LPP: variants seen among roughly 807,000 people sequenced by gnomAD.
LPP encodes LIM domain containing preferred translocation partner in lipoma.
Under a neutral mutation model 60.4 loss-of-function variants are expected in LPP, and 38 were observed. The observed-to-expected ratio is 0.63, with a 90% CI of 0.49 to 0.83. The LOEUF is 0.83. Among genes scored for constraint, LPP ranks in the 40% least tolerant of loss-of-function variants. The probability of loss-of-function intolerance (pLI) is 0.00; values close to 1 mark genes in which losing one functional copy is unlikely to be tolerated. For synonymous variants in LPP, 328 were observed against 290.8 expected (o/e 1.13, Z -1.30); for missense variants, 902 against 783.6 (o/e 1.15, Z -1.80).
chr3:188,511,112 T>C (rs534556305), intron 5 of LPP, among the ~76,000 whole-genome samples: 1 of 90,890 alleles, frequency 1.1e-5, no homozygotes, highest in Non-Finnish European at 2.1e-5. Flanking sequence ...CCCTCCTTCC[T>C]CCTTCCTTCC....
chr3:188,259,791 C>T lies in LPP; in HGVS notation c.-67+34264C>T, dbSNP rs764275100. On this transcript the variant is annotated intron_variant, in intron 2 of 11. Transcript: ENST00000617246. ...CATTTGGAGAGGACTACTGTGATGG[C>T]GTAAAATCCGGTGACCTAGTTACAG... is the stretch of plus-strand genomic sequence containing the variant. 4.6e-5 allele frequency among the ~76,000 whole-genome samples: 7 copies of T among 152,230 alleles called. No homozygotes were observed. The East Asian group carries it at 9.6e-4, about 21-fold the overall frequency.
chr3:188,295,735 T>A (rs1399245755), intron 2 of LPP, among the ~76,000 whole-genome samples: 1 of 152,186 alleles, frequency 6.6e-6, no homozygotes, highest in African/African-American at 2.4e-5. Flanking sequence ...GGTCTTGCTA[T>A]GTCGCCCAGC....
chr3:188,329,352 T>G (rs1045592073), intron 2 of LPP, among the ~76,000 whole-genome samples: 7 of 152,230 alleles, frequency 4.6e-5, no homozygotes, highest in Non-Finnish European at 8.8e-5. Context: ...AACTTCTTTG[T>G]CAGAGATGGT....
rs1843519222 is a variant in LPP at position 188,610,691 on chromosome 3, A to G, written c.1113+847A>G. 6.6e-6 allele frequency among the ~76,000 whole-genome samples: 1 copy of G among 152,214 alleles called. No individual in the cohort carries two copies. Among genetic ancestry groups the G allele is most frequent in the Non-Finnish European group, 1.5e-5 (1 of 68,034 alleles). On this transcript the variant is annotated intron_variant, in intron 7 of 11. Transcript: ENST00000617246. This position sits in a 1 kb window ranked among gnomAD's most constrained non-coding sequence, Gnocchi z 4.4. ...GTCTGAATAGGTAAGGTGTAATACT[A>G]CACATGCCCACTCACCACAACTTGG...
intron 2 of LPP, among the ~76,000 whole-genome samples, chr3:188,324,730 T>G (rs1235607578): frequency 1.3e-5 from 2 of 152,210 alleles, no homozygotes; most frequent in Non-Finnish European, 1.5e-5. Context: ...CCACACCATC[T>G]GGAGAGATCT....
chr3:188,790,064 G>T (rs1010854724), intron 9 of LPP, among the ~76,000 whole-genome samples: 3 of 152,008 alleles, frequency 2.0e-5, no homozygotes, highest in Non-Finnish European at 4.4e-5. Context: ...TCAGACAGTA[G>T]GCGTATTTGC....
At chr3:188,836,337 A>G (rs1158855836) in intron 9 of LPP, among the ~76,000 whole-genome samples, 1 of 152,172 alleles carries the variant, frequency 6.6e-6, no homozygotes. Flanking sequence ...GGGTATTCAT[A>G]TTTCTATAAC....
rs1751952604 is a variant in LPP, at chr3:188,814,557, C to T, written c.1411-51643C>T. ...CACTTGAATTCCATGTACTTTTTTT[C>T]CAAATAAATTAAATGACTTTCTCTA... On this transcript the variant is annotated intron_variant, in intron 9 of 11. Coordinates refer to ENST00000617246, the MANE Select transcript of LPP (RefSeq NM_001375462.1). Among the ~76,000 whole-genome samples the T allele has an allele frequency of 2.0e-5, 3 of 152,238 alleles. No individual in the cohort carries two copies. The South Asian group carries it at 6.2e-4, about 32-fold the overall frequency.
chr3:188,628,878 C>A (rs1391067237), intron 7 of LPP, among the ~76,000 whole-genome samples: 1 of 152,136 alleles, frequency 6.6e-6, no homozygotes, highest in Non-Finnish European at 1.5e-5. Flanking sequence ...CAAATTGAAT[C>A]CAGCAGCACA....
intron 4 of LPP, among the ~76,000 whole-genome samples, chr3:188,427,706 C>T (rs183124408): frequency 3.9e-4 from 59 of 152,186 alleles, no homozygotes; most frequent in Non-Finnish European, 6.2e-4. Flanking sequence ...GCTTTGTTTA[C>T]ACTGTGATGG....
chr3:188,422,149 GTC>G (rs1787976456), intron 4 of LPP, among the ~76,000 whole-genome samples: 2 of 152,078 alleles, frequency 1.3e-5, no homozygotes, highest in African/African-American at 4.8e-5. Context: ...CTTCCTCTAG[GTC>G]TCTGAAGAGT....
intron 2 of LPP, among the ~76,000 whole-genome samples, chr3:188,242,811 G>A (rs933474013): frequency 2.6e-5 from 4 of 152,180 alleles, no homozygotes; most frequent in South Asian, 2.1e-4. Context: ...GTTTGTAGGG[G>A]ATGATATTGA....
chr3:188,546,768 A>AG (rs1357710371), intron 6 of LPP, among the ~76,000 whole-genome samples: 1 of 152,144 alleles, frequency 6.6e-6, no homozygotes, highest in African/African-American at 2.4e-5. Context: ...CCATATTGGG[A>AG]TGTTTGTCAG....
intron 7 of LPP, among the ~76,000 whole-genome samples, chr3:188,690,537 G>A (rs527719051): frequency 1.3e-5 from 2 of 152,098 alleles, no homozygotes; most frequent in African/African-American, 4.8e-5. Flanking sequence ...GAATGGATAC[G>A]GTGCCCTAAT....
intron 7 of LPP, among the ~76,000 whole-genome samples, chr3:188,680,934 A>G (rs535549676): frequency 5.9e-5 from 9 of 151,904 alleles, no homozygotes; most frequent in African/African-American, 1.9e-4. Context: ...AGCTGGGAGC[A>G]TAAGTGAGAA....
At chr3:188,699,698 T>C (rs772179192) in intron 7 of LPP, among the ~76,000 whole-genome samples, 11 of 152,096 alleles carry the variant, frequency 7.2e-5, no homozygotes, top group African/African-American at 2.4e-5. Flanking sequence ...TGAGGAGTGT[T>C]CATTTAGAAG....
intron 9 of LPP, among the ~76,000 whole-genome samples, chr3:188,781,297 G>A (rs1739566541): frequency 1.3e-5 from 2 of 152,180 alleles, no homozygotes; most frequent in South Asian, 4.1e-4. Context: ...GAAAGAGACT[G>A]GATGACCACT....
chr3:188,278,532 T>C (rs1560192386), intron 2 of LPP, among the ~76,000 whole-genome samples: 1 of 152,148 alleles, frequency 6.6e-6, no homozygotes, highest in African/African-American at 2.4e-5. Flanking sequence ...CATCTTCTAG[T>C]GGATTCATTG....
At position 188,422,913 on chromosome 3, in the gene LPP, T is replaced by TGTGTGTGTGTG. The variant is rs1553893973; in HGVS notation, c.193+16600_193+16601insGTGTGTGTGTG. On this transcript the variant is annotated intron_variant, in intron 4 of 11. Transcript: ENST00000617246. ...CATATTTTTCTTTTTGGTGTCTTCT[T>TGTGTGTGTGTG]TGTGTGTGTGTGTGTGTGTGTGTGT... Among the ~76,000 whole-genome samples, 148 of 133,872 alleles carry TGTGTGTGTGTG rather than the reference T, an allele frequency of 1.1e-3. 1 individual carries two copies. The highest frequency in any genetic ancestry group is 4.0e-3 in the African/African-American group (139 of 34,926). The allele number at this position is 133,872 out of a possible 152,430, so 87.8% of individuals were successfully genotyped here.
Sources: gnomAD v4.1 joint callset for allele counts (sites outside exome capture counted in the v4.1 genomes callset) on GRCh38, gnomAD v4.1.1 for gene constraint, Gnocchi (gnomAD v3.1) non-coding constraint, MANE v1.5 for transcripts, NCBI Gene and HGNC (gene_info 2026-07-23, HGNC 2026-07-21) for gene names.